Variants in CSNK1G2 observed in about 807,000 individuals in gnomAD.
CSNK1G2 encodes casein kinase I isoform gamma-2.
CSNK1G2 carries 11 observed loss-of-function variants against 48.0 expected under a neutral mutation model. The observed-to-expected ratio is 0.23, with a 90% CI of 0.14 to 0.38. The LOEUF is 0.38. CSNK1G2 is among the 10% of genes least tolerant of loss of function. The pLI, the probability that CSNK1G2 is intolerant of heterozygous loss-of-function variation, is 1.00. For synonymous variants in CSNK1G2, 337 were observed against 254.1 expected, an observed-to-expected ratio of 1.33 and a Z score of -3.10; for missense variants, 446 against 595.5, an observed-to-expected ratio of 0.75 and a Z score of 2.61.
intron 1 of CSNK1G2, among the ~76,000 whole-genome samples, chr19:1,947,670 C>T (rs1357027089): frequency 1.3e-5 from 2 of 152,182 alleles, no homozygotes; most frequent in Admixed American, 6.5e-5. Flanking sequence ...GCCCTGGCCA[C>T]GTGCAGGCCA....
chr19:1,966,923 T>C (rs2015382232), intron 1 of CSNK1G2, among the ~76,000 whole-genome samples: 1 of 152,082 alleles, frequency 6.6e-6, no homozygotes, highest in African/African-American at 2.4e-5. Flanking sequence ...CAGGCTGGAG[T>C]GCAGTGGTGC....
Position 1,979,835 on chromosome 19 carries a change from G to A in CSNK1G2, c.1086G>A (p.Gln362=). The A allele has an allele frequency of 6.2e-7, 1 of 1,604,022 alleles. No homozygotes were observed. ...AAACCCAGCCGCACAGCAAAAACCA[G>A]GTGAGGCCCGGGCGGGACCGACCGC... ...RDKTQPHSKN[Q]ALNSTNGELN... is the part of the protein sequence containing the mutation. The change falls in exon 10 of 12, where the codon CAG becomes CAA. Residue 362 remains glutamine (Q), a splice_region_variant and synonymous_variant. Transcript: ENST00000255641.
At chr19:1,949,802 G>A (rs565799009) in intron 1 of CSNK1G2, among the ~76,000 whole-genome samples, 2 of 152,308 alleles carry the variant, frequency 1.3e-5, no homozygotes, top group Non-Finnish European at 1.5e-5. Context: ...CCTGTCCTTC[G>A]GCCCGATGCT....
intron 2 of CSNK1G2, among the ~76,000 whole-genome samples, chr19:1,970,645 G>GTGAT (rs1345738832): frequency 1.3e-5 from 2 of 151,058 alleles, no homozygotes; most frequent in East Asian, 3.8e-4. Flanking sequence ...TTCCCAGTCT[G>GTGAT]TGATTAGCTG....
rs1034055923 is a variant in CSNK1G2 at position 1,981,225 on chromosome 19, C to T, written c.*1022C>T. On this transcript the variant is annotated 3_prime_UTR_variant, in exon 12 of 12. Coordinates refer to ENST00000255641, the MANE Select transcript of CSNK1G2 (RefSeq NM_001319.7). Reference sequence around the variant, plus strand: ...CGTGCCCAGGGCGGTGGCTGTGAGTCTAGTTTTTGCTTTACCAAGTGTACA... The same window carrying T: ...CGTGCCCAGGGCGGTGGCTGTGAGTTTAGTTTTTGCTTTACCAAGTGTACA... 6.6e-6 allele frequency: 1 copy of T among 152,186 alleles called. No homozygotes were observed. The highest frequency in any genetic ancestry group is 1.5e-5 in the Non-Finnish European group (1 of 68,050). The allele number at this position is 152,186 out of a possible 1,614,324, so 9.4% of individuals were successfully genotyped here. A position where few individuals can be genotyped will look rare whatever the true frequency, so the allele number is the denominator to read the frequency against.
At position 1,951,413 on chromosome 19, in the gene CSNK1G2, T is replaced by A. The variant is rs554640620; in HGVS notation, c.-266+9995T>A. On this transcript the variant is annotated intron_variant, in intron 1 of 11. Coordinates refer to ENST00000255641, the MANE Select transcript of CSNK1G2 (RefSeq NM_001319.7). Reference sequence around the variant, plus strand: ...GTGAGACTCCGTCTCAAAAAAAAAATAAAAAAAATCAAAGATGGGGGCCTG... The same window carrying A: ...GTGAGACTCCGTCTCAAAAAAAAAAAAAAAAAAATCAAAGATGGGGGCCTG... Among the ~76,000 whole-genome samples the A allele has an allele frequency of 1.2e-3, 166 of 142,226 alleles. 10 individuals carry two copies. Among genetic ancestry groups the A allele is most frequent in the African/African-American group, 4.2e-3 (153 of 36,514 alleles). The allele number at this position is 142,226 out of a possible 152,430, so 93.3% of individuals were successfully genotyped here. A position where few individuals can be genotyped will look rare whatever the true frequency, so the allele number is the denominator to read the frequency against.
chr19:1,943,540 C>G (rs2014444448), intron 1 of CSNK1G2, among the ~76,000 whole-genome samples: 1 of 151,926 alleles, frequency 6.6e-6, no homozygotes. Context: ...TTGCTCATCC[C>G]AAGCTTAGGG....
intron 1 of CSNK1G2, among the ~76,000 whole-genome samples, chr19:1,960,119 G>C (rs1326574211): frequency 6.6e-6 from 1 of 152,228 alleles, no homozygotes; most frequent in Admixed American, 6.5e-5. Flanking sequence ...CCTGGTGCCA[G>C]TCCTGACCCT....
intron 1 of CSNK1G2, chr19:1,954,122 T>G: frequency 2.5e-6 from 1 of 398,706 alleles, no homozygotes; most frequent in Admixed American, 2.6e-5. Context: ...CTTTTGCACC[T>G]GATGCGTTAA....
At chr19:1,974,296 C>T (rs2015677138) in intron 2 of CSNK1G2, among the ~76,000 whole-genome samples, 1 of 152,104 alleles carries the variant, frequency 6.6e-6, no homozygotes, top group African/African-American at 2.4e-5. Context: ...CATGTCATGG[C>T]AAGAAGGCAT....
At chr19:1,960,830 G>T (rs1024803971) in intron 1 of CSNK1G2, among the ~76,000 whole-genome samples, 1 of 152,074 alleles carries the variant, frequency 6.6e-6, no homozygotes, top group Non-Finnish European at 1.5e-5. Context: ...CGGAGGCTGC[G>T]GTGAGCCGAG....
Position 1,953,142 on chromosome 19 carries a change from T to TCCGA in CSNK1G2, c.-266+11726_-266+11727insGACC, listed in dbSNP as rs1210576450. On this transcript the variant is annotated intron_variant, in intron 1 of 11. Transcript: ENST00000255641. ...GGATTCCGATGGGAGCCACCCCGGG[T>TCCGA]CCCACTCGCCCCCGGGACCTGCCGT... 4.5e-5 allele frequency: 17 copies of TCCGA among 374,758 alleles called. No individual in the cohort carries two copies. The East Asian group carries it at 1.2e-3, about 27-fold the overall frequency. 23.2% of individuals were successfully genotyped at this position (374,758 alleles called of 1,614,324 possible). A position where few individuals can be genotyped will look rare whatever the true frequency, so the allele number is the denominator to read the frequency against.
At chr19:1,979,873 C>T in intron 10 of CSNK1G2, 38 bp downstream of exon 10, 1 of 1,603,366 alleles carries the variant, frequency 6.2e-7, no homozygotes, top group African/African-American at 1.3e-5. Context: ...CAGGGAGGGG[C>T]ATGGGCGGCC....
intron 1 of CSNK1G2, among the ~76,000 whole-genome samples, chr19:1,949,098 A>G (rs2014673969): frequency 6.6e-6 from 1 of 152,130 alleles, no homozygotes; most frequent in South Asian, 2.1e-4. Flanking sequence ...CCTTTATTGA[A>G]AAAATCCACG....
chr19:1,941,571 A>G (rs1490354730), intron 1 of CSNK1G2, among the ~76,000 whole-genome samples, 153 bp downstream of exon 1: 4 of 106,974 alleles, frequency 3.7e-5, no homozygotes, highest in African/African-American at 1.4e-4. Context: ...GCGCCCCCCA[A>G]CCCGTCTAAC....
At chr19:1,962,325 T>A (rs965447979) in intron 1 of CSNK1G2, among the ~76,000 whole-genome samples, 2 of 151,188 alleles carry the variant, frequency 1.3e-5, no homozygotes, top group African/African-American at 4.9e-5. Flanking sequence ...AGTGAGACTC[T>A]GTCAACAACA....
chr19:1,977,474 C>A (rs1444536580), intron 2 of CSNK1G2, among the ~76,000 whole-genome samples: 2 of 152,202 alleles, frequency 1.3e-5, no homozygotes, highest in Non-Finnish European at 2.9e-5. Context: ...TGCACCCTGG[C>A]CTGTACAGGG....
At chr19:1,955,459 C>T (rs567007550) in intron 1 of CSNK1G2, among the ~76,000 whole-genome samples, 16 of 146,036 alleles carry the variant, frequency 1.1e-4, no homozygotes, top group South Asian at 2.1e-4. Flanking sequence ...TGTGGGTCAG[C>T]GCCCCCCACT....
intron 1 of CSNK1G2, among the ~76,000 whole-genome samples, chr19:1,949,110 C>A (rs908868521): frequency 2.0e-5 from 3 of 152,188 alleles, no homozygotes; most frequent in Admixed American, 6.5e-5. Context: ...AAATCCACGT[C>A]AGAGTGGACC....
Sources: allele counts gnomAD v4.1 joint callset (sites outside exome capture counted in the v4.1 genomes callset), GRCh38; gene constraint gnomAD v4.1.1; transcripts MANE v1.5; gene names NCBI Gene and HGNC (gene_info 2026-07-23, HGNC 2026-07-21).